The following TEX11 variants were observed in gnomAD, a reference collection of about 807,000 sequenced individuals.
TEX11 encodes testis expressed 11.
TEX11 carries 7 observed loss-of-function variants against 84.4 expected under a neutral mutation model. The ratio of observed to expected loss-of-function variants is 0.08; its 90% CI spans 0.05 to 0.16. TEX11 has a LOEUF of 0.16. Among genes scored for constraint, TEX11 ranks in the 10% least tolerant of loss-of-function variants. TEX11 has a pLI of 1.00. For missense variants in TEX11, 551 were observed against 660.5 expected (o/e 0.83, Z 1.82); for synonymous variants, 264 against 222.8 (o/e 1.18, Z -1.64).
At chrX:70,866,881 TA>T (rs1177314933) in intron 4 of TEX11, among the ~76,000 whole-genome samples, 1 of 111,783 alleles carries the variant, frequency 8.9e-6, no homozygotes, top group Admixed American at 9.5e-5. Flanking sequence ...CTCAAAATAA[TA>T]AGAGCTATTT....
chrX:70,667,268 C>T (rs1415197949), intron 16 of TEX11, among the ~76,000 whole-genome samples: 1 of 111,889 alleles, frequency 8.9e-6, no homozygotes, highest in Non-Finnish European at 1.9e-5. Context: ...GTATGGCCTG[C>T]AAAACCTAAA....
At chrX:70,565,287 T>C (rs2088448336) in intron 25 of TEX11, among the ~76,000 whole-genome samples, 1 of 109,485 alleles carries the variant, frequency 9.1e-6, no homozygotes, top group African/African-American at 3.3e-5. Flanking sequence ...GAGTTCTTTG[T>C]AGATTCTGGA....
At chrX:70,747,014 A>G (rs1482990408) in intron 9 of TEX11, among the ~76,000 whole-genome samples, 1 of 112,206 alleles carries the variant, frequency 8.9e-6, no homozygotes, top group Non-Finnish European at 1.9e-5. Flanking sequence ...CCAAACACCA[A>G]CTGAAAGGTA....
At chrX:70,520,558 C>T in the TEX11 span, among the ~76,000 whole-genome samples, 4 of 112,368 alleles carry the variant, frequency 3.6e-5, no homozygotes, top group Admixed American at 3.8e-4. Context: ...AATTGGCCCC[C>T]ACTGGGAGAT....
the TEX11 span, among the ~76,000 whole-genome samples, chrX:70,523,921 A>C: frequency 9.0e-6 from 1 of 110,700 alleles, no homozygotes; most frequent in African/African-American, 3.3e-5. Flanking sequence ...CAAAGAGTTT[A>C]TAAACCCTTT....
chrX:70,611,416 G>A (rs1159973760), intron 20 of TEX11, among the ~76,000 whole-genome samples: 4 of 111,841 alleles, frequency 3.6e-5, no homozygotes, highest in Admixed American at 1.9e-4. Context: ...AACCTGAAGC[G>A]TAACTGACAA....
intron 13 of TEX11, among the ~76,000 whole-genome samples, chrX:70,705,579 C>A (rs1427712588): frequency 1.8e-5 from 2 of 111,466 alleles, no homozygotes; most frequent in Non-Finnish European, 3.8e-5. Flanking sequence ...GGGCTAATAT[C>A]CAGAATCTAC....
chrX:70,750,601 A>T (rs1285264589), intron 9 of TEX11, among the ~76,000 whole-genome samples: 3 of 105,467 alleles, frequency 2.8e-5, no homozygotes, highest in African/African-American at 1.0e-4. Context: ...ATAAAAAATG[A>T]TGAGTTCATG....
chrX:70,900,010 A>G (rs986050387), intron 2 of TEX11, among the ~76,000 whole-genome samples: 1 of 103,371 alleles, frequency 9.7e-6, no homozygotes, highest in African/African-American at 3.5e-5. Context: ...TACTAAAAAT[A>G]TTTTTTTAAA....
At chrX:70,883,564 C>T (rs987261280) in intron 2 of TEX11, among the ~76,000 whole-genome samples, 3 of 111,096 alleles carry the variant, frequency 2.7e-5, no homozygotes, top group South Asian at 3.8e-4. Context: ...CCAGCCTAAG[C>T]GGCAGAGACT....
intron 16 of TEX11, among the ~76,000 whole-genome samples, chrX:70,654,709 C>CAAAAAAAAAAAAAAAAA (rs56822297): frequency 8.0e-5 from 3 of 37,625 alleles, no homozygotes; most frequent in Non-Finnish European, 1.3e-4. Flanking sequence ...GACTCTGTCT[C>CAAAAAAAAAAAAAAAAA]AAAAAAAAAA....
intron 25 of TEX11, among the ~76,000 whole-genome samples, chrX:70,570,019 C>T (rs1314404915): frequency 4.5e-5 from 5 of 112,294 alleles, no homozygotes; most frequent in African/African-American, 1.6e-4. Flanking sequence ...GTGGAGCCTA[C>T]AGAGGCAGGC....
At chrX:70,608,889 A>T (rs148121343) in intron 22 of TEX11, among the ~76,000 whole-genome samples, 1,257 of 112,023 alleles carry the variant, frequency 0.011, 14 homozygotes, top group African/African-American at 0.039. Context: ...TACTATGAAA[A>T]AAGTATATAT....
intron 4 of TEX11, among the ~76,000 whole-genome samples, chrX:70,870,289 C>T (rs1484225195): frequency 9.0e-6 from 1 of 111,685 alleles, no homozygotes; most frequent in East Asian, 2.8e-4. Context: ...TACGAGAACC[C>T]TATACGGAGA....
chrX:70,795,300 C>T (rs1315922810), intron 9 of TEX11, among the ~76,000 whole-genome samples: 2 of 110,173 alleles, frequency 1.8e-5, no homozygotes, highest in African/African-American at 3.3e-5. Flanking sequence ...GCTTGGGTGC[C>T]AGATCAGCCA....
intron 2 of TEX11, among the ~76,000 whole-genome samples, chrX:70,895,127 G>T (rs1471447211): frequency 9.0e-6 from 1 of 111,364 alleles, no homozygotes; most frequent in Non-Finnish European, 1.9e-5. Flanking sequence ...TGTATATTTA[G>T]ACAACCCCAT....
chrX:70,741,482 G>T (rs758124644), intron 10 of TEX11, among the ~76,000 whole-genome samples: 26 of 110,704 alleles, frequency 2.3e-4, no homozygotes, highest in African/African-American at 8.5e-4. Context: ...GGGGTGTTGG[G>T]AAGTTTTTGT....
intron 2 of TEX11, among the ~76,000 whole-genome samples, chrX:70,906,552 C>T (rs1220288799): frequency 1.8e-5 from 2 of 111,097 alleles, no homozygotes; most frequent in Non-Finnish European, 3.8e-5. Context: ...CTTTGGGAGG[C>T]CGAGGCAGGT....
intron 11 of TEX11, among the ~76,000 whole-genome samples, chrX:70,738,055 C>G (rs771220665): frequency 1.8e-5 from 2 of 111,726 alleles, no homozygotes; most frequent in African/African-American, 6.5e-5. Flanking sequence ...GACTTCATGT[C>G]TAAAACACCA....
Sources: gnomAD v4.1 joint callset for allele counts (sites outside exome capture counted in the v4.1 genomes callset) on GRCh38, gnomAD v4.1.1 for gene constraint, MANE v1.5 for transcripts, NCBI Gene and HGNC (gene_info 2026-07-23, HGNC 2026-07-21) for gene names.